PTBP1: variants seen among roughly 807,000 people sequenced by gnomAD.
The protein encoded by PTBP1 is polypyrimidine tract binding protein 1, also known as polypyrimidine tract-binding protein 1.
A neutral mutation model predicts 59.8 loss-of-function variants in PTBP1; 8 were observed. That is an observed-to-expected ratio of 0.13 (90% confidence interval 0.08 to 0.24). The LOEUF (loss-of-function observed/expected upper bound fraction) is 0.24. Ranked by LOEUF, PTBP1 falls within the 10% of genes least tolerant of loss-of-function variation. The pLI is 1.00. For synonymous variants in PTBP1, 490 were observed against 320.7 expected (o/e 1.53, Z -5.64); for missense variants, 686 against 767.0 (o/e 0.89, Z 1.25).
intron 13 of PTBP1, 65 bp from the exon 14 acceptor site, chr19:810,477 TC>T: frequency 7.1e-7 from 1 of 1,414,162 alleles, no homozygotes; most frequent in Non-Finnish European, 9.8e-7. Flanking sequence ...GGGGAAAGCC[TC>T]GCGGACCTGA....
chr19:801,178 T>C (rs1479511253), intron 2 of PTBP1, among the ~76,000 whole-genome samples: 4 of 152,186 alleles, frequency 2.6e-5, no homozygotes, highest in Admixed American at 2.0e-4. Context: ...CTGGGGCGTT[T>C]CCTGTCAATC....
rs962482207 is a variant in PTBP1 at position 808,133 on chromosome 19, G to A, written c.1154-227G>A. 4.8e-6 allele frequency: 3 copies of A among 629,774 alleles called. No homozygotes were observed. The highest frequency in any genetic ancestry group is 1.9e-5 in the South Asian group (1 of 51,616). 39.0% of individuals were successfully genotyped at this position (629,774 alleles called of 1,614,324 possible). On this transcript the variant is annotated intron_variant, in intron 11 of 14. Coordinates refer to ENST00000356948, the MANE Select transcript of PTBP1 (RefSeq NM_002819.5). This position sits in a 1 kb window ranked among gnomAD's most constrained non-coding sequence, Gnocchi z 4.7. ...AGACCTGTCGGTGGCATATGCCACCGTGGCCACCCGCTGGCAGCTTACCTG... is the reference window on the plus strand; with the variant it reads ...AGACCTGTCGGTGGCATATGCCACCATGGCCACCCGCTGGCAGCTTACCTG...
Position 808,072 on chromosome 19 carries a change from AC to A in PTBP1, c.1153+171del, listed in dbSNP as rs1262438428. On this transcript the variant is annotated intron_variant, in intron 11 of 14. Transcript: ENST00000356948. The surrounding 1 kb of genome is among the most constrained non-coding windows in gnomAD (Gnocchi z 4.7). ...ATTTTATTTGGTCCCGTAGATACGT[AC>A]GCATGGTTTATCGCCCTGCATGCTT... 1 of 689,354 alleles carries A rather than the reference AC, an allele frequency of 1.5e-6. No homozygotes were observed. The highest frequency in any genetic ancestry group is 1.8e-5 in the African/African-American group (1 of 55,918). The allele number at this position is 689,354 out of a possible 1,614,324, so 42.7% of individuals were successfully genotyped here. A position where few individuals can be genotyped will look rare whatever the true frequency, so the allele number is the denominator to read the frequency against.
chr19:808,143 G>A lies in PTBP1; in HGVS notation c.1154-217G>A, dbSNP rs2034663657. ...GTGGCATATGCCACCGTGGCCACCC[G>A]CTGGCAGCTTACCTGTCCTGGATGC... On this transcript the variant is annotated intron_variant, in intron 11 of 14. Coordinates refer to ENST00000356948, the MANE Select transcript of PTBP1 (RefSeq NM_002819.5). The surrounding 1 kb of genome is among the most constrained non-coding windows in gnomAD (Gnocchi z 4.7). The A allele has an allele frequency of 4.8e-6, 3 of 630,320 alleles. No homozygotes were observed. The highest frequency in any genetic ancestry group is 1.9e-5 in the South Asian group (1 of 51,514). 39.0% of individuals were successfully genotyped at this position (630,320 alleles called of 1,614,324 possible).
At chr19:802,369 G>A (rs2034372650) in intron 2 of PTBP1, among the ~76,000 whole-genome samples, 1 of 151,980 alleles carries the variant, frequency 6.6e-6, no homozygotes, top group Admixed American at 6.6e-5. Context: ...GCAGGCTCGG[G>A]GAGGCCAGCG....
At chr19:803,696 A>C in intron 3 of PTBP1, 60 bp downstream of exon 3, 12 of 1,448,392 alleles carry the variant, frequency 8.3e-6, no homozygotes, top group Non-Finnish European at 1.1e-5. Flanking sequence ...GAACAACGTT[A>C]CGTTCTTGTT....
chr19:804,169 G>C lies in PTBP1; in HGVS notation c.249G>C (p.Gly83=), dbSNP rs767933994. Reference sequence around the variant, plus strand: ...TCATCTCCCTGGGGCTGCCCTTTGGGAAGGTCACCAACCTCCTGATGCTGA... The same window carrying C: ...TCATCTCCCTGGGGCTGCCCTTTGGCAAGGTCACCAACCTCCTGATGCTGA... ...GEVISLGLPF[G]KVTNLLMLKG... The change falls in exon 4 of 15, where the codon GGG becomes GGC. Residue 83 remains glycine (G), a synonymous_variant. Transcript: ENST00000356948. 72 of 1,611,168 alleles carry C rather than the reference G, an allele frequency of 4.5e-5. No individual in the cohort carries two copies. Among genetic ancestry groups the C allele is most frequent in the Non-Finnish European group, 6.0e-5 (71 of 1,178,182 alleles).
chr19:805,330 T>TG (rs2034514504), intron 8 of PTBP1, 143 bp downstream of exon 8: 3 of 1,212,984 alleles, frequency 2.5e-6, no homozygotes, highest in East Asian at 2.3e-5. Context: ...CACGGTCCAG[T>TG]GTCCCCCACG....
chr19:810,853 C>A lies in PTBP1; in HGVS notation c.*27C>A. On this transcript the variant is annotated 3_prime_UTR_variant, in exon 15 of 15. Transcript: ENST00000356948. ...GGCACAGGCCCCCACGGCCGGGCCC[C>A]CTGGCGACAACTTCCATCATTCCAG... The A allele has an allele frequency of 6.6e-6, 10 of 1,506,328 alleles. No homozygotes were observed. The highest frequency in any genetic ancestry group is 8.8e-6 in the Non-Finnish European group (10 of 1,135,232). The allele number at this position is 1,506,328 out of a possible 1,614,324, so 93.3% of individuals were successfully genotyped here. A position where few individuals can be genotyped will look rare whatever the true frequency, so the allele number is the denominator to read the frequency against.
rs374644173 is a variant in PTBP1 at position 805,520 on chromosome 19, G to A, written c.921G>A (p.Pro307=). 40 of 1,613,700 alleles carry A rather than the reference G, an allele frequency of 2.5e-5. No individual in the cohort carries two copies. The highest frequency in any genetic ancestry group is 6.7e-5 in the Admixed American group (4 of 60,006). ...FGAPGIISAS[P]YAGAGFPPTF... is the part of the protein sequence containing the mutation. The stretch of plus-strand genomic sequence containing the variant: ...CACCTGGTATAATCTCAGCCTCTCC[G>A]TATGCAGGAGCTGGTTTCCCTCCCA... The change falls in exon 9 of 15, where the codon CCG becomes CCA. Residue 307 remains proline (P), a synonymous_variant. Coordinates refer to ENST00000356948, the MANE Select transcript of PTBP1 (RefSeq NM_002819.5).
rs920120868 is a variant in PTBP1, at chr19:806,291, A to G, written c.971-117A>G. The G allele has an allele frequency of 4.9e-6, 6 of 1,217,094 alleles. No homozygotes were observed. The African/African-American group carries it at 8.1e-5, about 16-fold the overall frequency. The allele number at this position is 1,217,094 out of a possible 1,614,324, so 75.4% of individuals were successfully genotyped here. A position where few individuals can be genotyped will look rare whatever the true frequency, so the allele number is the denominator to read the frequency against. On this transcript the variant is annotated intron_variant, in intron 9 of 14. Coordinates refer to ENST00000356948, the MANE Select transcript of PTBP1 (RefSeq NM_002819.5). ...AGGCACCCAGGGTAGGGCCAGAGCC[A>G]GGGCCGCCTCCCGCGCGGCTCGGCT...
chr19:806,627 G>C (rs988457545), intron 10 of PTBP1, 71 bp downstream of exon 10: 49 of 1,396,026 alleles, frequency 3.5e-5, no homozygotes, highest in Non-Finnish European at 4.4e-5. Context: ...GCTCGGGCTC[G>C]GGTCCCGGAG....
At chr19:805,406 G>C (rs2034521026) in intron 8 of PTBP1, 86 bp from the exon 9 acceptor site, 10 of 1,389,732 alleles carry the variant, frequency 7.2e-6, no homozygotes, top group Non-Finnish European at 9.1e-6. Context: ...GCCGCCCGCC[G>C]GCCGGGTTGG....
At chr19:805,620 C>A (rs2034529505) in intron 9 of PTBP1, 51 bp downstream of exon 9, 3 of 1,474,844 alleles carry the variant, frequency 2.0e-6, no homozygotes, top group Non-Finnish European at 2.8e-6. Context: ...CCCACACCAC[C>A]TTCCCAGGCA....
intron 13 of PTBP1, 24 bp from the exon 14 acceptor site, chr19:810,519 G>A (rs1204554139): frequency 1.2e-6 from 2 of 1,609,726 alleles, no homozygotes; most frequent in Admixed American, 1.7e-5. Flanking sequence ...GCGGCCCCAG[G>A]CTCACGCCTT....
At position 805,137 on chromosome 19, in the gene PTBP1, C is replaced by T; in HGVS notation, c.842C>T (p.Pro281Leu). Residue 281 changes from proline (P) to leucine (L), a missense_variant, in exon 8 of 15, where the codon CCT becomes CTT. Physicochemically the swap from Pro to Leu is moderately conservative, Grantham distance 98 (BLOSUM62 -3). Coordinates refer to ENST00000356948, the MANE Select transcript of PTBP1 (RefSeq NM_002819.5). ...KSRDYTRPDL[P>L]SGDSQPSLDQ... ...CGTGACTACACACGCCCAGACCTGC[C>T]TTCCGGGGACAGCCAGCCCTCGCTG... 1.2e-6 allele frequency: 2 copies of T among 1,613,808 alleles called. No homozygotes were observed. The highest frequency in any genetic ancestry group is 1.7e-6 in the Non-Finnish European group (2 of 1,179,880).
chr19:806,344 G>A (rs2034574101), intron 9 of PTBP1, 64 bp from the exon 10 acceptor site: 25 of 1,504,314 alleles, frequency 1.7e-5, no homozygotes, highest in Non-Finnish European at 2.0e-5. Context: ...GGGGAGCGTC[G>A]GCCTCTCCCA....
In PTBP1 at chr19:806,149, T is replaced by C. The variant is rs1436735220; in HGVS notation, c.971-259T>C. 4 of 409,128 alleles carry C rather than the reference T, an allele frequency of 9.8e-6. No individual in the cohort carries two copies. In the East Asian group the frequency reaches 1.7e-4, roughly 17 times the overall value. 25.3% of individuals were successfully genotyped at this position (409,128 alleles called of 1,614,324 possible). The stretch of plus-strand genomic sequence containing the variant: ...TGCTGGCGGAGCCGGAGCTTTTCTG[T>C]GCTGTGGGCGGGGCGCATGCAGATG... On this transcript the variant is annotated intron_variant, in intron 9 of 14. Transcript: ENST00000356948.
In PTBP1 at chr19:806,390, C is replaced by A; in HGVS notation, c.971-18C>A. ...GAGTCGGGGGCGCCGCCGCTCATCT[C>A]ACCTCCTGCTTTTCCAGGCCTTTCC... On this transcript the variant is annotated intron_variant, in intron 9 of 14. Transcript: ENST00000356948. The A allele has an allele frequency of 6.3e-7, 1 of 1,594,562 alleles. No individual in the cohort carries two copies. Among genetic ancestry groups the A allele is most frequent in the Non-Finnish European group, 8.5e-7 (1 of 1,171,654 alleles).
Sources: gnomAD v4.1 joint callset for allele counts (sites outside exome capture counted in the v4.1 genomes callset) on GRCh38, gnomAD v4.1.1 for gene constraint, Gnocchi (gnomAD v3.1) non-coding constraint, MANE v1.5 for transcripts, NCBI Gene and HGNC (gene_info 2026-07-23, HGNC 2026-07-21) for gene names.